PYGM: variants seen among roughly 807,000 people sequenced by gnomAD.
PYGM encodes the protein glycogen phosphorylase, muscle form.
PYGM carries 81 observed loss-of-function variants against 99.3 expected under a neutral mutation model. The ratio of observed to expected loss-of-function variants is 0.82; its 90% CI spans 0.68 to 0.98. PYGM has a LOEUF of 0.98. Ranked by LOEUF, PYGM falls within the 50% of genes least tolerant of loss-of-function variation. The pLI is 0.00. For missense variants in PYGM, 1,030 were observed against 1,158.1 expected (o/e 0.89, Z 1.61); for synonymous variants, 436 against 451.5 (o/e 0.97, Z 0.44).
At chr11:64,758,158 C>A (rs1282429527) in intron 4 of PYGM, 88 bp downstream of exon 4, 2 of 1,473,188 alleles carry the variant, frequency 1.4e-6, no homozygotes, top group African/African-American at 2.8e-5. Flanking sequence ...GCTTGCGGGG[C>A]TGTTTCGGAC....
Position 64,750,562 on chromosome 11 carries a change from G to A in PYGM, c.1991C>T (p.Ser664Phe), listed in dbSNP as rs773633182. The change falls in exon 17 of 20, where the codon TCT becomes TTT. Residue 664 changes from serine to phenylalanine, a missense_variant. Coordinates refer to ENST00000164139, the MANE Select transcript of PYGM (RefSeq NM_005609.4). ...AEKVIPAADL[S>F]EQISTAGTEA... ...AGTGCCCGCAGTGGAGATCTGCTCA[G>A]AGAGGTCTGCAGCTGGGATCACTGT... The A allele has an allele frequency of 1.2e-6, 2 of 1,614,132 alleles. No homozygotes were observed. Among genetic ancestry groups the A allele is most frequent in the Non-Finnish European group, 1.7e-6 (2 of 1,180,022 alleles).
intron 1 of PYGM, 119 bp downstream of exon 1, chr11:64,759,537 C>T (rs2058418927): frequency 1.3e-6 from 2 of 1,495,260 alleles, no homozygotes; most frequent in South Asian, 1.2e-5. Flanking sequence ...TGCCTGGCAC[C>T]CCTGGATTCT....
In PYGM at chr11:64,752,413, T is replaced by G; in HGVS notation, c.1610A>C (p.Lys537Thr). The change falls in exon 13 of 20, where the codon AAA becomes ACA. Residue 537 changes from lysine to threonine, a missense_variant. Lys to Thr is a moderately conservative substitution (Grantham distance 78, BLOSUM62 -1). Transcript: ENST00000164139. ...TGCATCTCTCCCCACCTGCTTCACT[T>G]TGGCCACATCCCGAATGAAAGCTTC... ...DDEAFIRDVA[K>T]VKQENKLKFA... 6.2e-7 allele frequency: 1 copy of G among 1,614,038 alleles called. No homozygotes were observed. The highest frequency in any genetic ancestry group is 8.5e-7 in the Non-Finnish European group (1 of 1,179,862).
At chr11:64,757,578 A>T (rs1180195783) in intron 5 of PYGM, among the ~76,000 whole-genome samples, 1 of 151,670 alleles carries the variant, frequency 6.6e-6, no homozygotes, top group African/African-American at 2.4e-5. Flanking sequence ...CCCCTTCCAG[A>T]CTCTGCACTT....
intron 1 of PYGM, among the ~76,000 whole-genome samples, chr11:64,759,053 C>T (rs2058415683): frequency 6.6e-6 from 1 of 152,064 alleles, no homozygotes; most frequent in African/African-American, 2.4e-5. Flanking sequence ...CACACAGTGG[C>T]TAGAGACTGG....
At chr11:64,756,410 C>CT (rs2135837662) in intron 5 of PYGM, among the ~76,000 whole-genome samples, 1 of 152,338 alleles carries the variant, frequency 6.6e-6, no homozygotes, top group Admixed American at 6.5e-5. Flanking sequence ...GGCTGATGAC[C>CT]TGAAGCTTCA....
rs773605626 is a variant in PYGM, at chr11:64,754,340, G to A, written c.1005C>T (p.Ala335=). Residue 335 remains alanine, a synonymous_variant, in exon 9 of 20, where the codon GCC becomes GCT. Coordinates refer to ENST00000164139, the MANE Select transcript of PYGM (RefSeq NM_005609.4). The surrounding 1 kb of genome is among the most constrained non-coding windows in gnomAD (Gnocchi z 5.5). ...AGGGGTGGGTGTCATTGAGCTGGAT[G>A]GCCACCTGGGGTAGGGGGAGGGGTC... ...TNFDAFPDKV[A]IQLNDTHPSL... The A allele has an allele frequency of 3.1e-6, 5 of 1,610,016 alleles. No homozygotes were observed. Among genetic ancestry groups the A allele is most frequent in the Admixed American group, 3.3e-5 (2 of 59,996 alleles).
chr11:64,753,409 C>T, intron 11 of PYGM, 110 bp downstream of exon 11: 1 of 1,435,716 alleles, frequency 7.0e-7, no homozygotes, highest in South Asian at 1.3e-5. Context: ...GTGAAAGGCG[C>T]CAGGGCCCAG....
rs1448992214 is a variant in PYGM at position 64,753,773 on chromosome 11, C to G, written c.1240-91G>C. ...CACCCCCAGAGCTCTGCCCAGTGCCCCCACTGCCCCAGAGTCTCAGGGCCC... is the reference window on the plus strand; with the variant it reads ...CACCCCCAGAGCTCTGCCCAGTGCCGCCACTGCCCCAGAGTCTCAGGGCCC... On this transcript the variant is annotated intron_variant, in intron 10 of 19. Transcript: ENST00000164139. 7 of 1,545,128 alleles carry G rather than the reference C, an allele frequency of 4.5e-6. No individual in the cohort carries two copies. In the Admixed American group the frequency reaches 1.4e-4, roughly 30 times the overall value.
chr11:64,755,141 G>C lies in PYGM; in HGVS notation c.855+132C>G. 2 of 1,100,300 alleles carry C rather than the reference G, an allele frequency of 1.8e-6. No homozygotes were observed. The highest frequency in any genetic ancestry group is 2.7e-6 in the Non-Finnish European group (2 of 736,368). The allele number at this position is 1,100,300 out of a possible 1,614,324, so 68.2% of individuals were successfully genotyped here. ...TGCACTCAAAAGACTTGAGGTGGGG[G>C]CACAGGATGCACAAGGCCAGCAATA... On this transcript the variant is annotated intron_variant, in intron 7 of 19. Coordinates refer to ENST00000164139, the MANE Select transcript of PYGM (RefSeq NM_005609.4). This position sits in a 1 kb window ranked among gnomAD's most constrained non-coding sequence, Gnocchi z 4.1.
At position 64,746,478 on chromosome 11, in the gene PYGM, C is replaced by A. The variant is rs546996458; in HGVS notation, c.*181G>T. ...TAGGAGGGGACCGGGAGCCCGAGGA[C>A]GGAAGGGGGCCCGTGTCCTTAGTCA... On this transcript the variant is annotated 3_prime_UTR_variant, in exon 20 of 20. Transcript: ENST00000164139. The A allele has an allele frequency of 7.3e-6, 6 of 826,712 alleles. No individual in the cohort carries two copies. The East Asian group carries it at 1.6e-4, about 22-fold the overall frequency. 51.2% of individuals were successfully genotyped at this position (826,712 alleles called of 1,614,324 possible). A position where few individuals can be genotyped will look rare whatever the true frequency, so the allele number is the denominator to read the frequency against.
upstream of PYGM, chr11:64,760,262 T>C (rs562643008): frequency 2.3e-4 from 63 of 274,390 alleles, 1 homozygote; most frequent in South Asian, 2.9e-3. Flanking sequence ...GAGTGCTGGA[T>C]TGGGGAGCTG....
In PYGM at chr11:64,746,994, G is replaced by A. The variant is rs768815722; in HGVS notation, c.2313-7C>T. The A allele has an allele frequency of 7.4e-6, 12 of 1,614,046 alleles. No homozygotes were observed. Among genetic ancestry groups the A allele is most frequent in the South Asian group, 4.4e-5 (4 of 91,072 alleles). ...ATCTGCGAAGACTTTAAACCTGGAG[G>A]GGAAAGGATAGGCATGTGCTATTCC... On this transcript the variant is annotated splice_polypyrimidine_tract_variant and splice_region_variant and intron_variant, in intron 18 of 19. Transcript: ENST00000164139.
rs775492066 is a variant in PYGM at position 64,751,471 on chromosome 11, G to T, written c.1828-5C>A. The T allele has an allele frequency of 1.2e-6, 2 of 1,614,120 alleles. No individual in the cohort carries two copies. The highest frequency in any genetic ancestry group is 1.7e-6 in the Non-Finnish European group (2 of 1,180,034). On this transcript the variant is annotated splice_region_variant and splice_polypyrimidine_tract_variant and intron_variant, in intron 15 of 19. Coordinates refer to ENST00000164139, the MANE Select transcript of PYGM (RefSeq NM_005609.4). Reference sequence around the variant, plus strand: ...CATGTGGTACCCAGGTGCAGCCTGAGGGGACAAAGTCTGGGGTCAGCTCTA... The same window carrying T: ...CATGTGGTACCCAGGTGCAGCCTGATGGGACAAAGTCTGGGGTCAGCTCTA...
chr11:64,753,334 G>C, intron 11 of PYGM, 147 bp from the exon 12 acceptor site: 2 of 1,178,936 alleles, frequency 1.7e-6, no homozygotes, highest in Non-Finnish European at 2.5e-6. Context: ...GTGTGTAAGA[G>C]GAGGTCATCT....
chr11:64,754,069 T>C lies in PYGM; in HGVS notation c.1093-44A>G. The C allele has an allele frequency of 6.3e-7, 1 of 1,597,686 alleles. No individual in the cohort carries two copies. Among genetic ancestry groups the C allele is most frequent in the Non-Finnish European group, 8.5e-7 (1 of 1,172,288 alleles). Reference sequence around the variant, plus strand: ...AGTCAGGATGCTGACCTCAGCCCAGTGGGTCTCCTCACACACTACGCATCC... The same window carrying C: ...AGTCAGGATGCTGACCTCAGCCCAGCGGGTCTCCTCACACACTACGCATCC... On this transcript the variant is annotated intron_variant, in intron 9 of 19. Transcript: ENST00000164139. The surrounding 1 kb of genome is among the most constrained non-coding windows in gnomAD (Gnocchi z 5.5).
chr11:64,753,809 C>T, intron 10 of PYGM, 70 bp downstream of exon 10: 4 of 1,547,276 alleles, frequency 2.6e-6, no homozygotes, highest in Non-Finnish European at 3.5e-6. Context: ...TGGCTGGACG[C>T]CCCGACTCCC....
Position 64,754,164 on chromosome 11 carries a change from C to T in PYGM, c.1092+89G>A. On this transcript the variant is annotated intron_variant, in intron 9 of 19. Coordinates refer to ENST00000164139, the MANE Select transcript of PYGM (RefSeq NM_005609.4). The surrounding 1 kb of genome is among the most constrained non-coding windows in gnomAD (Gnocchi z 5.5). ...CTGGCCTCAGGCTCTGATCCCTTCA[C>T]TCCATTCATATCCTCCCACGCTCCC... The T allele has an allele frequency of 6.3e-7, 1 of 1,578,434 alleles. No individual in the cohort carries two copies. Among genetic ancestry groups the T allele is most frequent in the Non-Finnish European group, 8.7e-7 (1 of 1,148,364 alleles).
chr11:64,757,992 C>CAGGGTGGGGGCT lies in PYGM; in HGVS notation c.529-83_529-82insAGCCCCCACCCT, dbSNP rs1565537867. ...GTGCACGGTGGGGCAGGGTGGGGGC[C>CAGGGTGGGGGCT]GTGGGCCGGTGTACCCTACACCAAG... On this transcript the variant is annotated intron_variant, in intron 4 of 19. Transcript: ENST00000164139. The CAGGGTGGGGGCT allele has an allele frequency of 4.8e-5, 76 of 1,589,274 alleles. No homozygotes were observed. The Admixed American group carries it at 6.0e-4, about 13-fold the overall frequency.
Sources: allele counts gnomAD v4.1 joint callset (sites outside exome capture counted in the v4.1 genomes callset), GRCh38; gene constraint gnomAD v4.1.1; non-coding constraint Gnocchi (gnomAD v3.1); transcripts MANE v1.5; gene names NCBI Gene and HGNC (gene_info 2026-07-23, HGNC 2026-07-21).